POLD3: variants seen among roughly 807,000 people sequenced by gnomAD.
POLD3 encodes DNA polymerase delta subunit 3.
Under a neutral mutation model 58.2 loss-of-function variants are expected in POLD3, and 19 were observed. The ratio of observed to expected loss-of-function variants is 0.33; its 90% CI spans 0.23 to 0.48. The LOEUF is 0.48. POLD3 is among the 20% of genes least tolerant of loss of function. The probability of loss-of-function intolerance (pLI) is 0.99; values close to 1 mark genes in which losing one functional copy is unlikely to be tolerated. For synonymous variants in POLD3, 172 were observed against 193.5 expected (o/e 0.89, Z 0.92); for missense variants, 504 against 545.5 (o/e 0.92, Z 0.76).
At chr11:74,639,327 A>AT (rs1343528030) in intron 11 of POLD3, among the ~76,000 whole-genome samples, 2 of 152,230 alleles carry the variant, frequency 1.3e-5, no homozygotes, top group Non-Finnish European at 2.9e-5. Flanking sequence ...CATACATTTG[A>AT]TTCCAAAGCT....
chr11:74,622,538 T>C (rs924339285), intron 7 of POLD3, among the ~76,000 whole-genome samples: 3 of 152,218 alleles, frequency 2.0e-5, no homozygotes, highest in Admixed American at 1.3e-4. Context: ...TATTTGACAT[T>C]TCTTCAAGGC....
In POLD3 at chr11:74,640,956, A is replaced by G. The variant is rs1158924086; in HGVS notation, c.*190A>G. 7.9e-7 allele frequency: 1 copy of G among 1,265,116 alleles called. No homozygotes were observed. Among genetic ancestry groups the G allele is most frequent in the Non-Finnish European group, 9.9e-7 (1 of 1,007,218 alleles). The allele number at this position is 1,265,116 out of a possible 1,614,324, so 78.4% of individuals were successfully genotyped here. On this transcript the variant is annotated 3_prime_UTR_variant, in exon 12 of 12. Transcript: ENST00000263681. ...AGGAAATCATCTGGAAGCAGGAGGC[A>G]AAAAGCTGTTACCTTCTAATGACAT... is the stretch of plus-strand genomic sequence containing the variant.
intron 9 of POLD3, among the ~76,000 whole-genome samples, chr11:74,630,779 A>G (rs1250481805): frequency 6.6e-6 from 1 of 152,050 alleles, no homozygotes; most frequent in African/African-American, 2.4e-5. Context: ...GAAGCTATCA[A>G]CTAGATACTC....
intron 7 of POLD3, 71 bp downstream of exon 7, chr11:74,620,160 A>G: frequency 8.5e-7 from 1 of 1,179,346 alleles, no homozygotes; most frequent in Non-Finnish European, 1.3e-6. Flanking sequence ...ACCTGAAGTG[A>G]AAGCCACTTT....
chr11:74,628,887 G>C (rs985867530), intron 8 of POLD3: 1 of 186,242 alleles, frequency 5.4e-6, no homozygotes, highest in Non-Finnish European at 1.1e-5. Flanking sequence ...TATGTATGTA[G>C]TAGCTGCTTA....
At chr11:74,647,650 A>C (rs2135191103), downstream of POLD3, among the ~76,000 whole-genome samples, 1 of 152,306 alleles carries the variant, frequency 6.6e-6, no homozygotes, top group Admixed American at 6.5e-5. Flanking sequence ...TATGGTGGCT[A>C]CTGTGGATTC....
At chr11:74,617,793 A>G (rs1394035431) in intron 5 of POLD3, among the ~76,000 whole-genome samples, 3 of 152,154 alleles carry the variant, frequency 2.0e-5, no homozygotes, top group Non-Finnish European at 4.4e-5. Context: ...CTCATGGCTC[A>G]CTGCAGCCTT....
intron 5 of POLD3, among the ~76,000 whole-genome samples, chr11:74,613,253 C>T (rs970021427): frequency 1.3e-4 from 20 of 151,926 alleles, no homozygotes; most frequent in African/African-American, 4.8e-4. Flanking sequence ...TCACTGCCAC[C>T]AGAAATGTTT....
intron 8 of POLD3, among the ~76,000 whole-genome samples, chr11:74,627,752 G>A (rs1475354434): frequency 6.6e-6 from 1 of 152,090 alleles, no homozygotes; most frequent in Non-Finnish European, 1.5e-5. Flanking sequence ...ATTGAGTACA[G>A]TAACAATGAT....
At chr11:74,604,504 C>T in intron 2 of POLD3, 188 bp from the exon 3 acceptor site, 1 of 543,260 alleles carries the variant, frequency 1.8e-6, no homozygotes, top group Admixed American at 3.4e-5. Context: ...ATGGACTCTA[C>T]TCCCCATGTC....
At chr11:74,632,467 G>A (rs537697624) in intron 9 of POLD3, among the ~76,000 whole-genome samples, 1 of 152,290 alleles carries the variant, frequency 6.6e-6, no homozygotes, top group Non-Finnish European at 1.5e-5. Context: ...GCTTGGTAAA[G>A]ACTAAGGCAG....
intron 4 of POLD3, among the ~76,000 whole-genome samples, chr11:74,658,353 A>T (rs1480146539): frequency 6.6e-6 from 1 of 152,156 alleles, no homozygotes; most frequent in Non-Finnish European, 1.5e-5. Flanking sequence ...TGGGAGATAA[A>T]ATTCAAGTTG....
chr11:74,595,742 C>T (rs891496256), intron 2 of POLD3, among the ~76,000 whole-genome samples: 4 of 152,106 alleles, frequency 2.6e-5, no homozygotes, highest in African/African-American at 7.2e-5. Context: ...CTCAGCCTCC[C>T]GAGTAGCCGG....
intron 2 of POLD3, among the ~76,000 whole-genome samples, chr11:74,594,875 A>G (rs1452592314): frequency 6.6e-6 from 1 of 152,228 alleles, no homozygotes; most frequent in African/African-American, 2.4e-5. Context: ...TATCATGAGA[A>G]GAGCATGGGG....
rs1271419808 is a variant in POLD3, at chr11:74,606,214, A to G, written c.219+1420A>G. 2.0e-5 allele frequency among the ~76,000 whole-genome samples: 3 copies of G among 152,354 alleles called. No individual in the cohort carries two copies. In the East Asian group the frequency reaches 5.8e-4, roughly 29 times the overall value. On this transcript the variant is annotated intron_variant, in intron 3 of 11. Coordinates refer to ENST00000263681, the MANE Select transcript of POLD3 (RefSeq NM_006591.3). ...CCAAATGATAACCAAGATATTTGCA[A>G]GTGTAAAATAAGATGTCATTTATAT...
intron 4 of POLD3, among the ~76,000 whole-genome samples, chr11:74,668,212 T>G (rs979938923): frequency 6.6e-6 from 1 of 152,162 alleles, no homozygotes; most frequent in Non-Finnish European, 1.5e-5. Flanking sequence ...ACCCAGAAAT[T>G]TCATTGCTAT....
intron 2 of POLD3, among the ~76,000 whole-genome samples, chr11:74,600,006 T>C (rs7934742): frequency 0.86 from 129,657 of 151,260 alleles, 56,086 homozygotes; most frequent in African/African-American, 0.97. Flanking sequence ...AGTACAATGG[T>C]GCAATCTCGG....
At chr11:74,633,917 C>T (rs1416012270) in intron 9 of POLD3, among the ~76,000 whole-genome samples, 1 of 152,192 alleles carries the variant, frequency 6.6e-6, no homozygotes, top group East Asian at 1.9e-4. Flanking sequence ...CTTCACCCAC[C>T]TCCAAGTTTA....
At chr11:74,647,743 A>G (rs1352884451), downstream of POLD3, among the ~76,000 whole-genome samples, 1 of 152,232 alleles carries the variant, frequency 6.6e-6, no homozygotes, top group Non-Finnish European at 1.5e-5. Context: ...ATATTTGTAC[A>G]TTTCACAGAT....
Sources: gnomAD v4.1 joint callset for allele counts (sites outside exome capture counted in the v4.1 genomes callset) on GRCh38, gnomAD v4.1.1 for gene constraint, MANE v1.5 for transcripts, NCBI Gene and HGNC (gene_info 2026-07-23, HGNC 2026-07-21) for gene names.